The following PPP1R16B variants were observed in gnomAD, a reference collection of about 807,000 sequenced individuals.
PPP1R16B encodes protein phosphatase 1 regulatory subunit 16B, also known as protein phosphatase 1 regulatory inhibitor subunit 16B.
A neutral mutation model predicts 61.7 loss-of-function variants in PPP1R16B; 14 were observed. That is an observed-to-expected ratio of 0.23 (90% confidence interval 0.15 to 0.35). PPP1R16B has a LOEUF of 0.35. Ranked by LOEUF, PPP1R16B falls within the 10% of genes least tolerant of loss-of-function variation. PPP1R16B has a pLI of 1.00. For missense variants in PPP1R16B, 547 were observed against 752.5 expected, an observed-to-expected ratio of 0.73 and a Z score of 3.19; for synonymous variants, 266 against 305.3, an observed-to-expected ratio of 0.87 and a Z score of 1.34.
intron 2 of PPP1R16B, among the ~76,000 whole-genome samples, chr20:38,857,035 C>T (rs2085013416): frequency 1.3e-5 from 2 of 152,234 alleles, no homozygotes; most frequent in African/African-American, 2.4e-5. Flanking sequence ...ACGGTGGGCA[C>T]AGCCACCTGG....
chr20:38,888,927 ACC>A (rs1193395242), intron 2 of PPP1R16B, among the ~76,000 whole-genome samples: 2 of 129,966 alleles, frequency 1.5e-5, no homozygotes, highest in Admixed American at 7.6e-5. Flanking sequence ...ACACACACAC[ACC>A]CCTAGACAAA....
At chr20:38,811,276 C>T (rs2084699114) in intron 1 of PPP1R16B, among the ~76,000 whole-genome samples, 1 of 152,144 alleles carries the variant, frequency 6.6e-6, no homozygotes, top group South Asian at 2.1e-4. Flanking sequence ...GACATCCAAA[C>T]ACAGGCTTAC....
chr20:38,876,009 T>C (rs1342269520), intron 2 of PPP1R16B, among the ~76,000 whole-genome samples: 1 of 148,502 alleles, frequency 6.7e-6, no homozygotes, highest in Non-Finnish European at 1.5e-5. Context: ...GTTTCGCTCT[T>C]GTTGCCCAGG....
At chr20:38,822,979 A>T (rs1006996970) in intron 1 of PPP1R16B, among the ~76,000 whole-genome samples, 44 of 152,252 alleles carry the variant, frequency 2.9e-4, no homozygotes, top group African/African-American at 1.0e-3. Context: ...GCTTATAGAG[A>T]AGTTATCATG....
chr20:38,901,221 T>C (rs1407701247), intron 5 of PPP1R16B, among the ~76,000 whole-genome samples: 2 of 152,112 alleles, frequency 1.3e-5, no homozygotes, highest in Admixed American at 6.5e-5. Flanking sequence ...CTTGGAAATA[T>C]GTCACATCCC....
In PPP1R16B at chr20:38,922,126, G is replaced by A. The variant is rs2085604195; in HGVS notation, c.*3460G>A. ...GAAGCTGAATAAACTCTAGGCCCAGGGCTACTAAAGACTTCAGGATAGAAT... is the reference window on the plus strand; with the variant it reads ...GAAGCTGAATAAACTCTAGGCCCAGAGCTACTAAAGACTTCAGGATAGAAT... On this transcript the variant is annotated 3_prime_UTR_variant, in exon 11 of 11. Coordinates refer to ENST00000299824, the MANE Select transcript of PPP1R16B (RefSeq NM_015568.4). The A allele has an allele frequency of 6.6e-6, 1 of 152,136 alleles. No individual in the cohort carries two copies. The highest frequency in any genetic ancestry group is 1.5e-5 in the Non-Finnish European group (1 of 68,036). 9.4% of individuals were successfully genotyped at this position (152,136 alleles called of 1,614,324 possible).
chr20:38,843,635 C>T (rs140067290), intron 2 of PPP1R16B, among the ~76,000 whole-genome samples: 83 of 152,308 alleles, frequency 5.4e-4, no homozygotes, highest in African/African-American at 1.9e-3. Context: ...TGAGAAATGA[C>T]TCACTAGGTC....
chr20:38,908,306 C>T (rs2085462858), intron 10 of PPP1R16B, 113 bp downstream of exon 10: 1 of 1,341,910 alleles, frequency 7.5e-7, no homozygotes, highest in Non-Finnish European at 1.0e-6. Context: ...TAGCCAGGCA[C>T]TGCCCTTAAA....
chr20:38,877,171 C>T (rs1335812853), intron 2 of PPP1R16B, among the ~76,000 whole-genome samples: 1 of 152,170 alleles, frequency 6.6e-6, no homozygotes, highest in African/African-American at 2.4e-5. Context: ...CAGGATTTCT[C>T]ACTTATAAAC....
At chr20:38,884,691 T>G (rs1479252840) in intron 2 of PPP1R16B, among the ~76,000 whole-genome samples, 1 of 152,160 alleles carries the variant, frequency 6.6e-6, no homozygotes, top group Non-Finnish European at 1.5e-5. Context: ...GAGTCTCAAC[T>G]ACTCAGAAGG....
intron 2 of PPP1R16B, among the ~76,000 whole-genome samples, chr20:38,844,257 C>G (rs1440371194): frequency 2.6e-5 from 4 of 152,154 alleles, no homozygotes; most frequent in African/African-American, 9.7e-5. Flanking sequence ...TACAATTATT[C>G]AGGTACTGGG....
chr20:38,904,250 TG>T (rs947526036), intron 6 of PPP1R16B, among the ~76,000 whole-genome samples: 5 of 152,170 alleles, frequency 3.3e-5, no homozygotes, highest in African/African-American at 1.2e-4. Context: ...GCAGCTCCAA[TG>T]GGGCTGTCAT....
intron 2 of PPP1R16B, among the ~76,000 whole-genome samples, chr20:38,858,189 C>G (rs1393355722): frequency 1.3e-5 from 2 of 152,154 alleles, no homozygotes; most frequent in Non-Finnish European, 2.9e-5. Context: ...CTCCAAATTC[C>G]ATCGCACTGG....
intron 2 of PPP1R16B, among the ~76,000 whole-genome samples, chr20:38,884,235 A>G (rs2085226156): frequency 2.0e-5 from 3 of 152,208 alleles, no homozygotes; most frequent in South Asian, 2.1e-4. Context: ...CAGGCTGCAC[A>G]CTGCGTAATT....
At chr20:38,812,118 A>G (rs760821502) in intron 1 of PPP1R16B, among the ~76,000 whole-genome samples, 1 of 152,218 alleles carries the variant, frequency 6.6e-6, no homozygotes, top group African/African-American at 2.4e-5. Context: ...TGAACAGCCA[A>G]TTAGTAACTC....
chr20:38,861,531 A>C (rs1437017301), intron 2 of PPP1R16B, among the ~76,000 whole-genome samples: 1 of 152,146 alleles, frequency 6.6e-6, no homozygotes, highest in African/African-American at 2.4e-5. Context: ...GAATCTCAGC[A>C]TGGTTACCAT....
intron 10 of PPP1R16B, among the ~76,000 whole-genome samples, chr20:38,911,693 C>A (rs1015545490): frequency 6.6e-6 from 1 of 151,802 alleles, no homozygotes; most frequent in African/African-American, 2.4e-5. Flanking sequence ...CGTGCCACCA[C>A]GCCCGGCTAA....
At position 38,918,672 on chromosome 20, in the gene PPP1R16B, G is replaced by C. The variant is rs750762635; in HGVS notation, c.*6G>C. On this transcript the variant is annotated 3_prime_UTR_variant, in exon 11 of 11. Coordinates refer to ENST00000299824, the MANE Select transcript of PPP1R16B (RefSeq NM_015568.4). The surrounding 1 kb of genome is among the most constrained non-coding windows in gnomAD (Gnocchi z 5.3). The stretch of plus-strand genomic sequence containing the variant: ...GCTGTTGCCGTATCTCCTAGTCTCC[G>C]TGTGATGGAGGAGGGAGATGCCTGG... The C allele has an allele frequency of 1.8e-5, 27 of 1,501,074 alleles. No homozygotes were observed. The highest frequency in any genetic ancestry group is 1.9e-5 in the Non-Finnish European group (21 of 1,127,360). The allele number at this position is 1,501,074 out of a possible 1,614,324, so 93.0% of individuals were successfully genotyped here.
At chr20:38,911,632 G>A (rs1363597882) in intron 10 of PPP1R16B, among the ~76,000 whole-genome samples, 1 of 151,470 alleles carries the variant, frequency 6.6e-6, no homozygotes, top group Non-Finnish European at 1.5e-5. Context: ...TGCCTCCCAG[G>A]ATCAAGCGAT....
Sources: allele counts gnomAD v4.1 joint callset (sites outside exome capture counted in the v4.1 genomes callset), GRCh38; gene constraint gnomAD v4.1.1; non-coding constraint Gnocchi (gnomAD v3.1); transcripts MANE v1.5; gene names NCBI Gene and HGNC (gene_info 2026-07-23, HGNC 2026-07-21).